Variants in ADCY9 observed in about 807,000 individuals in gnomAD.
ADCY9 encodes adenylate cyclase type 9.
In ADCY9, 50 loss-of-function variants were observed where a neutral mutation model predicts 101.5. That is an observed-to-expected ratio of 0.49 (90% CI 0.39 to 0.62). The LOEUF is 0.62. Ranked by LOEUF, ADCY9 falls within the 20% of genes least tolerant of loss-of-function variation. The pLI is 0.00. For synonymous variants in ADCY9, 905 were observed against 769.3 expected (o/e 1.18, Z -2.92); for missense variants, 1,662 against 1,800.4 (o/e 0.92, Z 1.39).
At chr16:4,019,221 A>T (rs183481493) in intron 2 of ADCY9, among the ~76,000 whole-genome samples, 16 of 151,992 alleles carry the variant, frequency 1.1e-4, no homozygotes, top group African/African-American at 2.7e-4. Context: ...GCCTGAAGTG[A>T]TCCTCCGGCC....
chr16:4,032,462 CA>C, intron 2 of ADCY9, among the ~76,000 whole-genome samples: 1 of 151,968 alleles, frequency 6.6e-6, no homozygotes, highest in East Asian at 1.9e-4. Context: ...CACCTTATAA[CA>C]ATCAGATTGT....
chr16:4,108,988 G>C (rs919858338), intron 2 of ADCY9, among the ~76,000 whole-genome samples: 1 of 152,100 alleles, frequency 6.6e-6, no homozygotes, highest in African/African-American at 2.4e-5. Flanking sequence ...TTACAGGCAT[G>C]AGCCACCATG....
chr16:4,021,098 A>G (rs1227983535), intron 2 of ADCY9, among the ~76,000 whole-genome samples: 1 of 152,146 alleles, frequency 6.6e-6, no homozygotes, highest in Non-Finnish European at 1.5e-5. Context: ...ATATACTATA[A>G]ATTTTACTAT....
intron 9 of ADCY9, among the ~76,000 whole-genome samples, chr16:3,977,277 T>C (rs1169606354): frequency 6.6e-6 from 1 of 152,256 alleles, no homozygotes; most frequent in Admixed American, 6.5e-5. Context: ...TTCTAAATGA[T>C]ATTCTTTTTC....
chr16:4,072,340 G>A (rs1289724450), intron 2 of ADCY9, among the ~76,000 whole-genome samples: 1 of 152,222 alleles, frequency 6.6e-6, no homozygotes, highest in Non-Finnish European at 1.5e-5. Context: ...GAAACCCTCT[G>A]AGATTTCCAG....
intron 2 of ADCY9, among the ~76,000 whole-genome samples, chr16:4,026,970 C>A (rs765830192): frequency 2.0e-5 from 3 of 152,198 alleles, no homozygotes; most frequent in Non-Finnish European, 4.4e-5. Flanking sequence ...ATGGAAAGTA[C>A]CTCTGATTGG....
chr16:4,065,443 C>T (rs910197836), intron 2 of ADCY9, among the ~76,000 whole-genome samples: 15 of 152,230 alleles, frequency 9.9e-5, no homozygotes, highest in Admixed American at 8.5e-4. Context: ...CATCATTCAT[C>T]TCCTCTCAAG....
At chr16:4,013,802 C>T (rs766292627) in intron 2 of ADCY9, among the ~76,000 whole-genome samples, 1 of 152,202 alleles carries the variant, frequency 6.6e-6, no homozygotes, top group African/African-American at 2.4e-5. Flanking sequence ...TTATAATTAT[C>T]TATTCTTTCT....
At chr16:4,081,750 G>C (rs1046369064) in intron 2 of ADCY9, among the ~76,000 whole-genome samples, 8 of 148,676 alleles carry the variant, frequency 5.4e-5, no homozygotes, top group African/African-American at 7.4e-5. Context: ...AAGCAAGAGA[G>C]GGTGTAACGG....
At chr16:4,094,357 T>A (rs918261500) in intron 2 of ADCY9, among the ~76,000 whole-genome samples, 1 of 152,240 alleles carries the variant, frequency 6.6e-6, no homozygotes, top group Non-Finnish European at 1.5e-5. Flanking sequence ...AGGGCAAAGG[T>A]ATCCAATGAC....
intron 2 of ADCY9, among the ~76,000 whole-genome samples, chr16:4,103,119 T>C (rs2057054381): frequency 1.3e-5 from 2 of 152,260 alleles, no homozygotes; most frequent in Admixed American, 1.3e-4. Context: ...GGTCAATGTA[T>C]GAACTAAGGT....
Position 4,097,748 on chromosome 16 carries a change from C to T in ADCY9, c.1693+16002G>A, listed in dbSNP as rs558897508. Among the ~76,000 whole-genome samples the T allele has an allele frequency of 1.3e-4, 20 of 151,046 alleles. No individual in the cohort carries two copies. In the East Asian group the frequency reaches 2.9e-3, roughly 22 times the overall value. ...TTTTAATAGAGATGGCATTTCTCCA[C>T]GTTGGCCAGGCTGTTCTTGAACTCC... On this transcript the variant is annotated intron_variant, in intron 2 of 10. Coordinates refer to ENST00000294016, the MANE Select transcript of ADCY9 (RefSeq NM_001116.4).
intron 5 of ADCY9, among the ~76,000 whole-genome samples, chr16:3,991,532 G>C (rs771577241): frequency 6.6e-6 from 1 of 151,990 alleles, no homozygotes; most frequent in Non-Finnish European, 1.5e-5. Context: ...AGGCCGAGGC[G>C]GGCAGATCAC....
At chr16:4,014,917 G>A (rs2056427897) in intron 2 of ADCY9, among the ~76,000 whole-genome samples, 1 of 143,984 alleles carries the variant, frequency 6.9e-6, no homozygotes, top group African/African-American at 2.6e-5. Flanking sequence ...TCCCCTGAGT[G>A]ACCACATTCC....
chr16:4,102,539 C>T (rs2057049990), intron 2 of ADCY9, among the ~76,000 whole-genome samples: 2 of 152,200 alleles, frequency 1.3e-5, no homozygotes, highest in Non-Finnish European at 2.9e-5. Context: ...AATTCTCCTA[C>T]CTCAGCCGCC....
chr16:4,106,486 C>T (rs1428136339), intron 2 of ADCY9, among the ~76,000 whole-genome samples: 1 of 152,172 alleles, frequency 6.6e-6, no homozygotes, highest in Non-Finnish European at 1.5e-5. Context: ...AAAATTCCCT[C>T]CAGGGATGCT....
At chr16:3,958,009 G>A (rs571038396), downstream of ADCY9, among the ~76,000 whole-genome samples, 1 of 152,160 alleles carries the variant, frequency 6.6e-6, no homozygotes, top group South Asian at 2.1e-4. Flanking sequence ...AGCAGCTCTC[G>A]GGAGGGCAGC....
intron 2 of ADCY9, among the ~76,000 whole-genome samples, chr16:4,113,220 A>G (rs1202239542): frequency 6.6e-6 from 1 of 152,088 alleles, no homozygotes; most frequent in African/African-American, 2.4e-5. Context: ...CTCAGAGGTA[A>G]GTAACTCCGT....
intron 2 of ADCY9, among the ~76,000 whole-genome samples, chr16:4,086,083 A>G (rs1429939804): frequency 6.6e-6 from 1 of 151,988 alleles, no homozygotes; most frequent in East Asian, 1.9e-4. Context: ...GGCCGCGCGG[A>G]GAGCACCAAG....
Sources: allele counts gnomAD v4.1 joint callset (sites outside exome capture counted in the v4.1 genomes callset), GRCh38; gene constraint gnomAD v4.1.1; transcripts MANE v1.5; gene names NCBI Gene and HGNC (gene_info 2026-07-23, HGNC 2026-07-21).